Variants in PIEZO2 observed in about 807,000 individuals in gnomAD.
The protein encoded by PIEZO2 is piezo type mechanosensitive ion channel component 2, also known as piezo-type mechanosensitive ion channel component 2.
Under a neutral mutation model 337.3 loss-of-function variants are expected in PIEZO2, and 172 were observed. The observed-to-expected ratio is 0.51, with a 90% CI of 0.45 to 0.58. The LOEUF (loss-of-function observed/expected upper bound fraction) is 0.58. Ranked by LOEUF, PIEZO2 falls within the 20% of genes least tolerant of loss-of-function variation. The pLI is 0.00. For missense variants in PIEZO2, 3,028 were observed against 3,391.3 expected, an observed-to-expected ratio of 0.89 and a Z score of 2.66; for synonymous variants, 1,251 against 1,228.5, an observed-to-expected ratio of 1.02 and a Z score of -0.38.
chr18:10,691,116 C>T (rs1407460205), intron 48 of PIEZO2, 109 bp downstream of exon 48: 3 of 1,247,506 alleles, frequency 2.4e-6, no homozygotes, highest in African/African-American at 3.0e-5. Context: ...CACAACGATT[C>T]CCACTGCTGA....
rs1201255658 is a variant in PIEZO2, at chr18:11,092,824, C to A, written c.65-26602G>T. On this transcript the variant is annotated intron_variant, in intron 1 of 55. Transcript: ENST00000674853. This position sits in a 1 kb window ranked among gnomAD's most constrained non-coding sequence, Gnocchi z 4.5. ...AGGACCTTCTGTGGCCCCCTCATCCCTTCACAGGGCCACATATCTGTCCAG... is the reference window on the plus strand; with the variant it reads ...AGGACCTTCTGTGGCCCCCTCATCCATTCACAGGGCCACATATCTGTCCAG... Among the ~76,000 whole-genome samples the A allele has an allele frequency of 6.6e-6, 1 of 152,230 alleles. No individual in the cohort carries two copies. The highest frequency in any genetic ancestry group is 1.5e-5 in the Non-Finnish European group (1 of 68,054).
chr18:10,880,376 A>T (rs2042379803), intron 4 of PIEZO2, among the ~76,000 whole-genome samples: 1 of 152,226 alleles, frequency 6.6e-6, no homozygotes, highest in Non-Finnish European at 1.5e-5. Flanking sequence ...TTACAAAGTG[A>T]CTTCTTAGGA....
intron 7 of PIEZO2, among the ~76,000 whole-genome samples, chr18:10,831,956 T>G (rs1315758276): frequency 6.6e-6 from 1 of 152,180 alleles, no homozygotes; most frequent in East Asian, 1.9e-4. Context: ...TGGAAAGCAC[T>G]GATTAGCTCA....
At chr18:10,770,582 TTC>T (rs2038560010) in intron 20 of PIEZO2, among the ~76,000 whole-genome samples, 1 of 152,184 alleles carries the variant, frequency 6.6e-6, no homozygotes, top group South Asian at 2.1e-4. Context: ...TCTTCCTTCC[TTC>T]CTTCCTTCCA....
At chr18:10,765,993 G>C (rs565491423) in intron 21 of PIEZO2, among the ~76,000 whole-genome samples, 14 of 152,274 alleles carry the variant, frequency 9.2e-5, no homozygotes, top group African/African-American at 3.1e-4. Context: ...AGTCAAATCA[G>C]AGGAGGACTA....
chr18:11,126,590 G>A lies in PIEZO2; in HGVS notation c.64+21935C>T, dbSNP rs1389619395. On this transcript the variant is annotated intron_variant, in intron 1 of 55. Transcript: ENST00000674853. The surrounding 1 kb of genome is among the most constrained non-coding windows in gnomAD (Gnocchi z 4.6). Reference sequence around the variant, plus strand: ...ACTACAGAGAAGCTGAACTATCTATGGTTTAAAGAGGATCTCAAGAGCAGG... The same window carrying A: ...ACTACAGAGAAGCTGAACTATCTATAGTTTAAAGAGGATCTCAAGAGCAGG... Among the ~76,000 whole-genome samples the A allele has an allele frequency of 6.6e-6, 1 of 150,980 alleles. No individual in the cohort carries two copies. The highest frequency in any genetic ancestry group is 1.9e-4 in the East Asian group (1 of 5,160).
chr18:10,896,192 T>G (rs2042897358), intron 4 of PIEZO2, among the ~76,000 whole-genome samples: 1 of 151,992 alleles, frequency 6.6e-6, no homozygotes. Flanking sequence ...CTTCAGACCA[T>G]GGGTCCTAGT....
rs2040815301 is a variant in PIEZO2 at position 10,830,540 on chromosome 18, A to C, written c.918-23266T>G. Among the ~76,000 whole-genome samples, 1 of 151,888 alleles carries C rather than the reference A, an allele frequency of 6.6e-6. No homozygotes were observed. Among genetic ancestry groups the C allele is most frequent in the Admixed American group, 6.6e-5 (1 of 15,238 alleles). ...TACAAACATCAAATCAAAATGGATT[A>C]AAGACTTAAATCTAAGACCTCAAGC... On this transcript the variant is annotated intron_variant, in intron 7 of 55. Transcript: ENST00000674853. The surrounding 1 kb of genome is among the most constrained non-coding windows in gnomAD (Gnocchi z 4.7).
In PIEZO2 at chr18:11,032,918, C is replaced by A. The variant is rs1050506052; in HGVS notation, c.160+33209G>T. Among the ~76,000 whole-genome samples the A allele has an allele frequency of 6.6e-6, 1 of 152,142 alleles. No individual in the cohort carries two copies. The highest frequency in any genetic ancestry group is 1.5e-5 in the Non-Finnish European group (1 of 68,020). ...TCAGAAGACAGAGAGGAGAACATTG[C>A]TGAGGCCCTTCTAGCCATGGATAGC... On this transcript the variant is annotated intron_variant, in intron 2 of 55. Coordinates refer to ENST00000674853, the MANE Select transcript of PIEZO2 (RefSeq NM_001378183.1). This position sits in a 1 kb window ranked among gnomAD's most constrained non-coding sequence, Gnocchi z 4.9.
chr18:10,677,902 G>A lies in PIEZO2; in HGVS notation c.7953-27C>T, dbSNP rs1224138774. On this transcript the variant is annotated intron_variant, in intron 52 of 55. Transcript: ENST00000674853. This position sits in a 1 kb window ranked among gnomAD's most constrained non-coding sequence, Gnocchi z 4.1. ...TGTGAAGAAAAAAAAAAAGCTTAAT[G>A]TCAGTGATTATTCAGAAGTCTGGAA... The A allele has an allele frequency of 1.9e-6, 3 of 1,550,300 alleles. No individual in the cohort carries two copies. Among genetic ancestry groups the A allele is most frequent in the South Asian group, 1.2e-5 (1 of 83,516 alleles).
intron 3 of PIEZO2, among the ~76,000 whole-genome samples, chr18:10,978,972 A>G (rs1307838614): frequency 6.6e-6 from 1 of 152,180 alleles, no homozygotes; most frequent in Admixed American, 6.5e-5. Flanking sequence ...CTTTCAGATC[A>G]TAACTTCAAA....
chr18:11,062,282 G>A (rs1379379652), intron 2 of PIEZO2, among the ~76,000 whole-genome samples: 1 of 151,994 alleles, frequency 6.6e-6, no homozygotes, highest in Non-Finnish European at 1.5e-5. Context: ...AGACTTAAAT[G>A]TTAGACCTAA....
chr18:11,072,995 T>C (rs1688550390), intron 1 of PIEZO2, among the ~76,000 whole-genome samples: 1 of 152,256 alleles, frequency 6.6e-6, no homozygotes, highest in South Asian at 2.1e-4. Flanking sequence ...GTATGTATGT[T>C]GTTGTTTCAA....
intron 1 of PIEZO2, among the ~76,000 whole-genome samples, chr18:11,147,180 C>T (rs150229113): frequency 6.6e-6 from 1 of 152,260 alleles, no homozygotes; most frequent in Admixed American, 6.5e-5. Flanking sequence ...TCTGTGGAAG[C>T]TTAGCTCTTC....
chr18:11,096,170 A>T lies in PIEZO2; in HGVS notation c.65-29948T>A, dbSNP rs988568971. On this transcript the variant is annotated intron_variant, in intron 1 of 55. Transcript: ENST00000674853. This position sits in a 1 kb window ranked among gnomAD's most constrained non-coding sequence, Gnocchi z 4.6. Reference sequence around the variant, plus strand: ...TGCCCAAGGTGGCTGAGACACCGCCAGCCTGGCTGTGGGGTGTGGCCACCT... The same window carrying T: ...TGCCCAAGGTGGCTGAGACACCGCCTGCCTGGCTGTGGGGTGTGGCCACCT... Among the ~76,000 whole-genome samples the T allele has an allele frequency of 1.3e-5, 2 of 152,218 alleles. No homozygotes were observed. Among genetic ancestry groups the T allele is most frequent in the African/African-American group, 4.8e-5 (2 of 41,470 alleles).
At chr18:10,799,104 GA>G (rs2039713247) in intron 11 of PIEZO2, among the ~76,000 whole-genome samples, 1 of 152,184 alleles carries the variant, frequency 6.6e-6, no homozygotes, top group Non-Finnish European at 1.5e-5. Context: ...TACTGATACA[GA>G]ATTATGAAGA....
rs375838030 is a variant in PIEZO2 at position 10,682,838 on chromosome 18, C to T, written c.7498-546G>A. 1.2e-4 allele frequency among the ~76,000 whole-genome samples: 18 copies of T among 152,258 alleles called. No homozygotes were observed. In the East Asian group the frequency reaches 1.4e-3, roughly 11 times the overall value. ...TATGATTAGAAGAGCCCCCTCTGGGCACTGGCTGTAGGGAGTGGGGAGAGG... is the reference window on the plus strand; with the variant it reads ...TATGATTAGAAGAGCCCCCTCTGGGTACTGGCTGTAGGGAGTGGGGAGAGG... On this transcript the variant is annotated intron_variant, in intron 49 of 55. Coordinates refer to ENST00000674853, the MANE Select transcript of PIEZO2 (RefSeq NM_001378183.1). The surrounding 1 kb of genome is among the most constrained non-coding windows in gnomAD (Gnocchi z 5.6).
chr18:10,791,263 A>G lies in PIEZO2; in HGVS notation c.1820T>C (p.Leu607Pro). ...LRQHLTEQKA[L>P]QEKEALLSEV... ...CGATAAAAGAGCTTCCTTTTCTTGC[A>G]GAGCTTTTTGCTCTGTGAGGTGCTG... Residue 607 changes from leucine (L) to proline (P), a missense_variant, in exon 14 of 56, where the codon CTG becomes CCG. By Grantham distance (98) the Leu-to-Pro change is moderately conservative (BLOSUM62 -3). Coordinates refer to ENST00000674853, the MANE Select transcript of PIEZO2 (RefSeq NM_001378183.1). 6.5e-7 allele frequency: 1 copy of G among 1,536,376 alleles called. No homozygotes were observed. Among genetic ancestry groups the G allele is most frequent in the East Asian group, 2.4e-5 (1 of 40,858 alleles).
intron 2 of PIEZO2, among the ~76,000 whole-genome samples, chr18:10,984,617 T>C (rs1424780864): frequency 1.3e-5 from 2 of 152,088 alleles, no homozygotes; most frequent in African/African-American, 2.4e-5. Flanking sequence ...AGTGAACCCA[T>C]ATAAACACTG....
Sources: allele counts gnomAD v4.1 joint callset (sites outside exome capture counted in the v4.1 genomes callset), GRCh38; gene constraint gnomAD v4.1.1; non-coding constraint Gnocchi (gnomAD v3.1); transcripts MANE v1.5; gene names NCBI Gene and HGNC (gene_info 2026-07-23, HGNC 2026-07-21).